CPPED1: variants seen among roughly 807,000 people sequenced by gnomAD.
CPPED1 encodes serine/threonine-protein phosphatase CPPED1.
Under a neutral mutation model 28.0 loss-of-function variants are expected in CPPED1, and 28 were observed. The observed-to-expected ratio is 1.00, with a 90% confidence interval of 0.74 to 1.37. The LOEUF is 1.37. Among genes scored for constraint, CPPED1 ranks in the 40% most tolerant of loss-of-function variants. CPPED1 has a pLI of 0.00. For missense variants in CPPED1, 504 were observed against 416.5 expected, an observed-to-expected ratio of 1.21 and a Z score of -1.83; for synonymous variants, 198 against 180.2, an observed-to-expected ratio of 1.10 and a Z score of -0.79.
chr16:12,665,139 TA>T, intron 3 of CPPED1, 24 bp from the exon 4 acceptor site: 1 of 1,583,464 alleles, frequency 6.3e-7, no homozygotes. Flanking sequence ...AAAAAGTCAT[TA>T]GGGGGCCGAG....
At chr16:12,685,433 G>A (rs917193774) in intron 3 of CPPED1, among the ~76,000 whole-genome samples, 5 of 152,210 alleles carry the variant, frequency 3.3e-5, no homozygotes, top group African/African-American at 1.2e-4. Flanking sequence ...CTGGGTGACA[G>A]AGCGAGATTT....
intron 2 of CPPED1, among the ~76,000 whole-genome samples, chr16:12,766,653 C>T (rs987103613): frequency 2.0e-5 from 3 of 152,128 alleles, no homozygotes; most frequent in African/African-American, 7.2e-5. Context: ...CCTGTAATCC[C>T]AGCTACTTGG....
intron 2 of CPPED1, among the ~76,000 whole-genome samples, chr16:12,735,295 T>A (rs918188873): frequency 2.0e-5 from 3 of 152,084 alleles, no homozygotes; most frequent in Admixed American, 6.6e-5. Flanking sequence ...TCCCCAAAAA[T>A]ATATATATTT....
intron 3 of CPPED1, among the ~76,000 whole-genome samples, chr16:12,686,242 T>TA (rs58075629): frequency 0.25 from 28,106 of 112,540 alleles, 4,263 homozygotes; most frequent in African/African-American, 0.59. Flanking sequence ...TATATATATA[T>TA]TTTTTTTTTT....
chr16:12,685,627 C>T (rs141410432), intron 3 of CPPED1, among the ~76,000 whole-genome samples: 37 of 152,226 alleles, frequency 2.4e-4, no homozygotes, highest in African/African-American at 8.4e-4. Flanking sequence ...CATTTTTCTT[C>T]CTTGCCTTTG....
chr16:12,717,067 G>T (rs1178882800), intron 2 of CPPED1, among the ~76,000 whole-genome samples: 1 of 152,086 alleles, frequency 6.6e-6, no homozygotes, highest in Non-Finnish European at 1.5e-5. Flanking sequence ...TGGGGAGGGG[G>T]CTTTCCTAAC....
intron 3 of CPPED1, among the ~76,000 whole-genome samples, chr16:12,684,077 T>C (rs1043179583): frequency 9.2e-5 from 14 of 152,146 alleles, no homozygotes; most frequent in African/African-American, 3.4e-4. Flanking sequence ...TGAACCTAGG[T>C]CATGCAGCCA....
At chr16:12,719,795 C>G (rs151325337) in intron 2 of CPPED1, among the ~76,000 whole-genome samples, 8 of 151,834 alleles carry the variant, frequency 5.3e-5, no homozygotes, top group African/African-American at 1.9e-4. Context: ...ATTAGCCGGG[C>G]GTGGTGGCAC....
chr16:12,793,269 T>C (rs1381814757), intron 1 of CPPED1, among the ~76,000 whole-genome samples: 1 of 152,176 alleles, frequency 6.6e-6, no homozygotes, highest in Non-Finnish European at 1.5e-5. Context: ...ATCAGGCTGA[T>C]TGCAAGACAG....
At chr16:12,780,123 T>C (rs2080521329) in intron 2 of CPPED1, among the ~76,000 whole-genome samples, 1 of 152,092 alleles carries the variant, frequency 6.6e-6, no homozygotes, top group Non-Finnish European at 1.5e-5. Flanking sequence ...CACACTCTGG[T>C]GGAAGGGGGC....
chr16:12,790,679 GGGAGGCC>G (rs1175059814), intron 1 of CPPED1, among the ~76,000 whole-genome samples: 1 of 152,076 alleles, frequency 6.6e-6, no homozygotes, highest in Non-Finnish European at 1.5e-5. Flanking sequence ...CTAGCACTTT[GGGAGGCC>G]GAGTGGCGGG....
In CPPED1 at chr16:12,670,122, T is replaced by G. The variant is rs1567271430; in HGVS notation, c.716-5007A>C. On this transcript the variant is annotated intron_variant, in intron 3 of 3. Transcript: ENST00000381774. This position sits in a 1 kb window ranked among gnomAD's most constrained non-coding sequence, Gnocchi z 4.2. ...GACCAGCCTGGGCAACACAGTGAGA[T>G]CCCGTCTCTACAAAACATTACAAAA... Among the ~76,000 whole-genome samples the G allele has an allele frequency of 6.6e-6, 1 of 152,030 alleles. No individual in the cohort carries two copies. Among genetic ancestry groups the G allele is most frequent in the Non-Finnish European group, 1.5e-5 (1 of 67,986 alleles).
chr16:12,697,675 T>C (rs149982254), intron 3 of CPPED1, among the ~76,000 whole-genome samples: 1 of 152,312 alleles, frequency 6.6e-6, no homozygotes, highest in Non-Finnish European at 1.5e-5. Flanking sequence ...CACTGCACTG[T>C]CTGTGGCTGC....
At chr16:12,720,903 T>G (rs556562976) in intron 2 of CPPED1, among the ~76,000 whole-genome samples, 4 of 152,304 alleles carry the variant, frequency 2.6e-5, no homozygotes, top group African/African-American at 4.8e-5. Context: ...AGTTAAACTG[T>G]TTTGGCATGG....
chr16:12,721,771 A>AAAAT (rs892995547), intron 2 of CPPED1, among the ~76,000 whole-genome samples: 49 of 151,532 alleles, frequency 3.2e-4, no homozygotes, highest in Admixed American at 1.1e-3. Flanking sequence ...AAAAAAAGGC[A>AAAAT]AAATAAATAA....
At chr16:12,771,211 T>A (rs1444013155) in intron 2 of CPPED1, among the ~76,000 whole-genome samples, 1 of 152,232 alleles carries the variant, frequency 6.6e-6, no homozygotes, top group Non-Finnish European at 1.5e-5. Flanking sequence ...CACAGATTTC[T>A]GTCTGTTTCA....
chr16:12,786,748 G>A (rs561636858), intron 1 of CPPED1, among the ~76,000 whole-genome samples: 26 of 152,222 alleles, frequency 1.7e-4, no homozygotes, highest in African/African-American at 6.3e-4. Context: ...GTGAAACCTC[G>A]TCTCTACTAA....
rs2079793512 is a variant in CPPED1 at position 12,661,388 on chromosome 16, G to C, written c.*3498C>G. On this transcript the variant is annotated 3_prime_UTR_variant, in exon 4 of 4. Coordinates refer to ENST00000381774, the MANE Select transcript of CPPED1 (RefSeq NM_018340.3). ...AACGTTCTGTTGCTAGTCCCATAAA[G>C]CTTACTACATTTTTTCCCCATTCTC... 6.6e-6 allele frequency: 1 copy of C among 152,060 alleles called. No homozygotes were observed. The allele number at this position is 152,060 out of a possible 1,614,324, so 9.4% of individuals were successfully genotyped here. A position where few individuals can be genotyped will look rare whatever the true frequency, so the allele number is the denominator to read the frequency against.
chr16:12,683,725 C>G (rs952374888), intron 3 of CPPED1, among the ~76,000 whole-genome samples: 12 of 152,168 alleles, frequency 7.9e-5, no homozygotes, highest in African/African-American at 2.7e-4. Flanking sequence ...CCTCTCCATC[C>G]TCAGTGTGAT....
Sources: gnomAD v4.1 joint callset for allele counts (sites outside exome capture counted in the v4.1 genomes callset) on GRCh38, gnomAD v4.1.1 for gene constraint, Gnocchi (gnomAD v3.1) non-coding constraint, MANE v1.5 for transcripts, NCBI Gene and HGNC (gene_info 2026-07-23, HGNC 2026-07-21) for gene names.